SYNE1: variants seen among roughly 807,000 people sequenced by gnomAD.
SYNE1 encodes nesprin-1.
A neutral mutation model predicts 1,111.0 loss-of-function variants in SYNE1; 616 were observed. The observed-to-expected ratio is 0.55, with a 90% CI of 0.52 to 0.59. The LOEUF (loss-of-function observed/expected upper bound fraction) is 0.59. Ranked by LOEUF, SYNE1 falls within the 20% of genes least tolerant of loss-of-function variation. The pLI, the probability that SYNE1 is intolerant of heterozygous loss-of-function variation, is 0.00. For missense variants in SYNE1, 10,006 were observed against 10,417.0 expected (o/e 0.96, Z 1.72); for synonymous variants, 3,855 against 3,825.8 (o/e 1.01, Z -0.28).
intron 14 of SYNE1, 169 bp from the exon 15 acceptor site, chr6:152,472,582 G>T: frequency 1.4e-6 from 1 of 712,892 alleles, no homozygotes; most frequent in East Asian, 2.7e-5. Flanking sequence ...TTGAATAGGA[G>T]CTGGGTGCTT....
At position 152,627,656 on chromosome 6, in the gene SYNE1, T is replaced by TA. The variant is rs1035850191; in HGVS notation, c.67+608dup. Among the ~76,000 whole-genome samples, 134 of 152,062 alleles carry TA rather than the reference T, an allele frequency of 8.8e-4. No individual in the cohort carries two copies. In the Middle Eastern group the frequency reaches 0.017, roughly 19 times the overall value. The stretch of plus-strand genomic sequence containing the variant: ...TGGAAGACAGAGCAAGATTCCATCT[T>TA]AAAAAAAATCAAAAGCAGAGAAGAG... On this transcript the variant is annotated intron_variant, in intron 3 of 145. Coordinates refer to ENST00000367255, the MANE Select transcript of SYNE1 (RefSeq NM_182961.4).
At chr6:152,480,249 G>A (rs1383904138) in intron 14 of SYNE1, among the ~76,000 whole-genome samples, 2 of 152,180 alleles carry the variant, frequency 1.3e-5, no homozygotes, top group African/African-American at 4.8e-5. Context: ...GGCCAGGCGT[G>A]GTGGCTCATG....
chr6:152,292,088 G>T (rs538556121), intron 95 of SYNE1, among the ~76,000 whole-genome samples: 1 of 152,228 alleles, frequency 6.6e-6, no homozygotes, highest in African/African-American at 2.4e-5. Context: ...GGAGCAACAG[G>T]GACACCCCTT....
At chr6:152,418,612 C>A (rs1039774122) in intron 40 of SYNE1, among the ~76,000 whole-genome samples, 1 of 152,084 alleles carries the variant, frequency 6.6e-6, no homozygotes, top group African/African-American at 2.4e-5. Context: ...GAAAATGATA[C>A]CCTAAAATAT....
At chr6:152,631,701 A>G (rs982571414) in intron 2 of SYNE1, among the ~76,000 whole-genome samples, 7 of 152,144 alleles carry the variant, frequency 4.6e-5, no homozygotes, top group African/African-American at 1.7e-4. Flanking sequence ...AAAATTTGTA[A>G]GACTTGGTGA....
intron 62 of SYNE1, among the ~76,000 whole-genome samples, chr6:152,365,803 C>T (rs1340878802): frequency 1.3e-5 from 2 of 152,072 alleles, no homozygotes; most frequent in Admixed American, 1.3e-4. Flanking sequence ...ATAATGTTGC[C>T]TAAAAGACAA....
intron 63 of SYNE1, 72 bp downstream of exon 63, chr6:152,364,775 T>C (rs1291527963): frequency 6.3e-7 from 1 of 1,590,260 alleles, no homozygotes; most frequent in African/African-American, 1.3e-5. Flanking sequence ...GCCACAGGAA[T>C]GGTCTGTTCA....
intron 3 of SYNE1, among the ~76,000 whole-genome samples, chr6:152,573,484 G>C (rs1458909983): frequency 6.6e-6 from 1 of 151,962 alleles, no homozygotes; most frequent in Non-Finnish European, 1.5e-5. Context: ...TTCCAAGGCT[G>C]ACATTTTTAA....
At chr6:152,202,554 G>GA (rs2075728306) in intron 126 of SYNE1, among the ~76,000 whole-genome samples, 1 of 151,874 alleles carries the variant, frequency 6.6e-6, no homozygotes, top group Non-Finnish European at 1.5e-5. Flanking sequence ...TACGAAAATG[G>GA]AAAAAATACA....
chr6:152,629,549 A>AGGGGGGGGGGGG (rs1565300223), intron 2 of SYNE1, among the ~76,000 whole-genome samples: 1 of 13,330 alleles, frequency 7.5e-5, no homozygotes, highest in Non-Finnish European at 1.3e-4. Flanking sequence ...GGGGGAGGGG[A>AGGGGGGGGGGGG]GGAGGGGGTG....
chr6:152,453,548 T>C (rs556672384), intron 25 of SYNE1, 38 bp downstream of exon 25: 3 of 1,614,168 alleles, frequency 1.9e-6, no homozygotes, highest in East Asian at 2.2e-5. Context: ...TCTCCCTTCA[T>C]TGAGGATGCA....
chr6:152,271,953 A>G (rs1348174410), intron 98 of SYNE1, among the ~76,000 whole-genome samples: 3 of 152,184 alleles, frequency 2.0e-5, no homozygotes, highest in African/African-American at 2.4e-5. Context: ...CCTGAGCCCA[A>G]CACGCTCTTC....
In SYNE1 at chr6:152,345,237, A is replaced by T. The variant is rs531819796; in HGVS notation, c.12079-1010T>A. On this transcript the variant is annotated intron_variant, in intron 73 of 145. Coordinates refer to ENST00000367255, the MANE Select transcript of SYNE1 (RefSeq NM_182961.4). ...TTTCCAACATCCACCAATTAAAACA[A>T]ATTAAACTGTATCCCTAATACAAAG... Among the ~76,000 whole-genome samples the T allele has an allele frequency of 3.9e-5, 6 of 152,330 alleles. 1 individual carries two copies. In the South Asian group the frequency reaches 1.2e-3, roughly 32 times the overall value.
Position 152,451,134 on chromosome 6 carries a change from G to T in SYNE1, c.3099C>A (p.Ala1033=). Residue 1033 remains alanine (A), a synonymous_variant, in exon 26 of 146, where the codon GCC becomes GCA. Transcript: ENST00000367255. The part of the protein sequence containing the change: ...KIDVEKNRFL[A]SVEECRTELD... ...GCTCAGTTCTGCATTCTTCTACAGAGGCTAAGAACCTATTCTTCTCCACAT... is the reference window on the plus strand; with the variant it reads ...GCTCAGTTCTGCATTCTTCTACAGATGCTAAGAACCTATTCTTCTCCACAT... The T allele has an allele frequency of 6.2e-7, 1 of 1,614,058 alleles. No individual in the cohort carries two copies. The highest frequency in any genetic ancestry group is 8.5e-7 in the Non-Finnish European group (1 of 1,179,988).
intron 104 of SYNE1, among the ~76,000 whole-genome samples, chr6:152,254,244 C>CTTGTT (rs1562531205): frequency 2.7e-5 from 2 of 73,144 alleles, no homozygotes; most frequent in African/African-American, 5.8e-5. Context: ...TCTGCATACT[C>CTTGTT]TTTTTTTTTT....
chr6:152,151,225 A>T (rs1475231180), intron 135 of SYNE1, among the ~76,000 whole-genome samples: 1 of 151,772 alleles, frequency 6.6e-6, no homozygotes, highest in Non-Finnish European at 1.5e-5. Flanking sequence ...CTCTCTAAAA[A>T]AAAAAAAAAC....
intron 21 of SYNE1, among the ~76,000 whole-genome samples, chr6:152,459,578 C>T (rs1407344226): frequency 1.3e-5 from 2 of 152,168 alleles, no homozygotes; most frequent in Non-Finnish European, 2.9e-5. Flanking sequence ...GCAGCCCTTA[C>T]CTGTCACTTG....
intron 41 of SYNE1, among the ~76,000 whole-genome samples, chr6:152,415,918 G>A (rs771714510): frequency 3.3e-5 from 5 of 151,706 alleles, no homozygotes; most frequent in African/African-American, 7.3e-5. Context: ...TTAAGGACAT[G>A]CCCGGAAGAA....
intron 82 of SYNE1, among the ~76,000 whole-genome samples, chr6:152,322,288 AT>A (rs2095888667): frequency 6.6e-6 from 1 of 152,192 alleles, no homozygotes; most frequent in Admixed American, 6.5e-5. Flanking sequence ...AAATGTCATA[AT>A]TAATCACGTT....
Sources: gnomAD v4.1 joint callset for allele counts (sites outside exome capture counted in the v4.1 genomes callset) on GRCh38, gnomAD v4.1.1 for gene constraint, MANE v1.5 for transcripts, NCBI Gene and HGNC (gene_info 2026-07-23, HGNC 2026-07-21) for gene names.